Variants in UTP11 observed in about 807,000 individuals in gnomAD.
The protein encoded by UTP11 is probable U3 small nucleolar RNA-associated protein 11.
In UTP11, 29 loss-of-function variants were observed where a neutral mutation model predicts 39.0. That is an observed-to-expected ratio of 0.74 (90% CI 0.55 to 1.01). The LOEUF is 1.01. UTP11 is among the 50% of genes least tolerant of loss of function. UTP11 has a pLI of 0.00. For missense variants in UTP11, 281 were observed against 306.0 expected, an observed-to-expected ratio of 0.92 and a Z score of 0.61; for synonymous variants, 111 against 105.0, an observed-to-expected ratio of 1.06 and a Z score of -0.35.
At position 38,024,525 on chromosome 1, in the gene UTP11, C is replaced by T. The variant is rs1646754615; in HGVS notation, c.*897C>T. The T allele has an allele frequency of 6.6e-6, 1 of 151,594 alleles. No individual in the cohort carries two copies. Among genetic ancestry groups the T allele is most frequent in the East Asian group, 1.9e-4 (1 of 5,166 alleles). 9.4% of individuals were successfully genotyped at this position (151,594 alleles called of 1,614,324 possible). On this transcript the variant is annotated 3_prime_UTR_variant, in exon 8 of 8. Coordinates refer to ENST00000373014, the MANE Select transcript of UTP11 (RefSeq NM_016037.4). ...TCACGCCATTCTCCTGCCTCAGCCT[C>T]CCGAGTAGCTGGGACTACAGGCGCC...
At chr1:38,022,518 T>C (rs1208680966) in intron 6 of UTP11, among the ~76,000 whole-genome samples, 181 bp from the exon 7 acceptor site, 1 of 152,204 alleles carries the variant, frequency 6.6e-6, no homozygotes, top group African/African-American at 2.4e-5. Context: ...AGGGTTCCTT[T>C]CAGCTCCAGA....
rs764704029 is a variant in UTP11 at position 38,012,828 on chromosome 1, C to T, written c.26C>T (p.Ala9Val). ...ATGGCGGCGGCTTTTCGGAAGGCGG[C>T]TAAGTCCCGGCAGCGGGAACACAGA... MAAAFRKAAKSRQREHRER... is the reference protein window; with the variant it reads MAAAFRKAVKSRQREHRER... Residue 9 changes from alanine to valine, a missense_variant, in exon 1 of 8, where the codon GCT becomes GTT. Ala to Val is a moderately conservative substitution (Grantham distance 64, BLOSUM62 0). Coordinates refer to ENST00000373014, the MANE Select transcript of UTP11 (RefSeq NM_016037.4). 6.2e-7 allele frequency: 1 copy of T among 1,614,222 alleles called. No individual in the cohort carries two copies.
chr1:38,016,144 G>A (rs1646705893), intron 1 of UTP11, among the ~76,000 whole-genome samples: 1 of 152,250 alleles, frequency 6.6e-6, no homozygotes, highest in Non-Finnish European at 1.5e-5. Context: ...ACCTACTACA[G>A]CAGTGCTTGT....
At chr1:38,018,610 G>C in intron 4 of UTP11, 33 bp downstream of exon 4, 1 of 1,489,286 alleles carries the variant, frequency 6.7e-7, no homozygotes, top group Non-Finnish European at 9.2e-7. Context: ...TGGTTTTATT[G>C]GTTAAGAAGG....
At chr1:38,023,056 T>C (rs2148739880) in intron 7 of UTP11, among the ~76,000 whole-genome samples, 1 of 152,186 alleles carries the variant, frequency 6.6e-6, no homozygotes, top group East Asian at 1.9e-4. Flanking sequence ...TCGGGTAGCA[T>C]ATGAACTTTA....
intron 6 of UTP11, 54 bp downstream of exon 6, chr1:38,019,437 T>G (rs1646724809): frequency 7.3e-7 from 1 of 1,375,324 alleles, no homozygotes; most frequent in Non-Finnish European, 9.6e-7. Flanking sequence ...TAGGTGTTTT[T>G]TTTTTGTTTT....
chr1:38,017,922 A>C (rs1646715489), intron 3 of UTP11, 152 bp downstream of exon 3: 2 of 671,578 alleles, frequency 3.0e-6, no homozygotes, highest in Admixed American at 3.3e-5. Flanking sequence ...CAAACCCTCC[A>C]CTTCCAGAGG....
chr1:38,022,874 TAACTC>T, intron 7 of UTP11, 65 bp downstream of exon 7: 12 of 1,093,242 alleles, frequency 1.1e-5, no homozygotes, highest in Non-Finnish European at 1.5e-5. Context: ...GTAAAGGTCT[TAACTC>T]AGACTAGATT....
At chr1:38,012,961 T>G (rs1028261185) in intron 1 of UTP11, 96 bp downstream of exon 1, 13 of 1,467,114 alleles carry the variant, frequency 8.9e-6, no homozygotes, top group African/African-American at 2.8e-5. Context: ...GTCCAAACTG[T>G]ATAGTATATA....
In UTP11 at chr1:38,017,397, A is replaced by T. The variant is rs1044239686; in HGVS notation, c.126-271A>T. 5 of 288,634 alleles carry T rather than the reference A, an allele frequency of 1.7e-5. No homozygotes were observed. In the Admixed American group the frequency reaches 2.5e-4, roughly 14 times the overall value. 17.9% of individuals were successfully genotyped at this position (288,634 alleles called of 1,614,324 possible). On this transcript the variant is annotated intron_variant, in intron 2 of 7. Transcript: ENST00000373014. ...TTTGGTGTCTCCCTGTAATGATATA[A>T]ATGGCACTGAAACATATATAGGCTG...
chr1:38,018,102 T>C (rs1646716416), intron 3 of UTP11, among the ~76,000 whole-genome samples: 1 of 151,678 alleles, frequency 6.6e-6, no homozygotes, highest in Admixed American at 6.6e-5. Context: ...ATGGACTCAC[T>C]CTCTGTTGCC....
Position 38,023,536 on chromosome 1 carries a change from CT to C in UTP11, c.679-5del. The C allele has an allele frequency of 6.2e-7, 1 of 1,607,492 alleles. No individual in the cohort carries two copies. Among genetic ancestry groups the C allele is most frequent in the Non-Finnish European group, 8.5e-7 (1 of 1,177,594 alleles). ...TCTCTTTACTGATCACCTTTTTACT[CT>C]TTTGTAGGATAAAACTCAGAAAGTG... is the stretch of plus-strand genomic sequence containing the variant. On this transcript the variant is annotated splice_polypyrimidine_tract_variant and splice_region_variant and intron_variant, in intron 7 of 7. Coordinates refer to ENST00000373014, the MANE Select transcript of UTP11 (RefSeq NM_016037.4).
intron 2 of UTP11, chr1:38,016,948 G>A (rs933601005): frequency 1.3e-5 from 2 of 158,776 alleles, no homozygotes; most frequent in African/African-American, 4.8e-5. Flanking sequence ...ATTTGTTAGC[G>A]ATACATGTCA....
At position 38,018,588 on chromosome 1, in the gene UTP11, C is replaced by T. The variant is rs566456695; in HGVS notation, c.342+11C>T. On this transcript the variant is annotated intron_variant, in intron 4 of 7. Coordinates refer to ENST00000373014, the MANE Select transcript of UTP11 (RefSeq NM_016037.4). ...GTTGCAGAAGCTAAGGTAATTCACT[C>T]TTTGTTCTGATTGGTTTTATTGGTT... The T allele has an allele frequency of 3.8e-6, 6 of 1,585,344 alleles. No homozygotes were observed. In the African/African-American group the frequency reaches 8.1e-5, roughly 21 times the overall value.
intron 1 of UTP11, among the ~76,000 whole-genome samples, chr1:38,015,034 T>C (rs4440824): frequency 0.4 from 61,412 of 151,954 alleles, 14,224 homozygotes; most frequent in Non-Finnish European, 0.53. Flanking sequence ...TTTTTGTTTG[T>C]TTTTTTGAGG....
At chr1:38,021,618 C>T (rs1463920763) in intron 6 of UTP11, among the ~76,000 whole-genome samples, 5 of 152,182 alleles carry the variant, frequency 3.3e-5, no homozygotes, top group Non-Finnish European at 7.3e-5. Context: ...CCATGCTGGG[C>T]GTGGTGGCTC....
chr1:38,014,325 G>A (rs1646695441), intron 1 of UTP11, among the ~76,000 whole-genome samples: 1 of 152,158 alleles, frequency 6.6e-6, no homozygotes, highest in Non-Finnish European at 1.5e-5. Flanking sequence ...TGAAAAGGTG[G>A]GTAAACCGTT....
chr1:38,017,877 T>A, intron 3 of UTP11, 107 bp downstream of exon 3: 1 of 980,834 alleles, frequency 1.0e-6, no homozygotes, highest in Non-Finnish European at 1.5e-6. Context: ...AACCCTTCTC[T>A]GGTTACTCCA....
intron 1 of UTP11, among the ~76,000 whole-genome samples, chr1:38,014,705 C>T (rs909014436): frequency 2.6e-5 from 4 of 151,916 alleles, no homozygotes; most frequent in African/African-American, 4.8e-5. Flanking sequence ...GGGGCAATCA[C>T]GGCTCACTTC....
Sources: gnomAD v4.1 joint callset for allele counts (sites outside exome capture counted in the v4.1 genomes callset) on GRCh38, gnomAD v4.1.1 for gene constraint, MANE v1.5 for transcripts, NCBI Gene and HGNC (gene_info 2026-07-23, HGNC 2026-07-21) for gene names.